The following KCNH8 variants were observed in gnomAD, a reference collection of about 807,000 sequenced individuals.
The protein encoded by KCNH8 is voltage-gated delayed rectifier potassium channel KCNH8.
In KCNH8, 70 loss-of-function variants were observed where a neutral mutation model predicts 103.6. The observed-to-expected ratio is 0.68, with a 90% CI of 0.56 to 0.82. The LOEUF is 0.82. Among genes scored for constraint, KCNH8 ranks in the 40% least tolerant of loss-of-function variants. The pLI is 0.00. For missense variants in KCNH8, 1,217 were observed against 1,329.9 expected (o/e 0.92, Z 1.32); for synonymous variants, 498 against 489.4 (o/e 1.02, Z -0.23).
chr3:19,352,082 G>C (rs1227126367), intron 5 of KCNH8, among the ~76,000 whole-genome samples: 7 of 152,034 alleles, frequency 4.6e-5, no homozygotes, highest in African/African-American at 9.6e-5. Flanking sequence ...GCAGGGGTTG[G>C]AATCCTAGTC....
chr3:19,480,170 A>G (rs1273694650), intron 11 of KCNH8, among the ~76,000 whole-genome samples: 1 of 152,168 alleles, frequency 6.6e-6, no homozygotes, highest in Admixed American at 6.5e-5. Context: ...GTTGTACTAG[A>G]TTACAGTTTA....
chr3:19,183,165 T>C (rs2063472227), intron 1 of KCNH8, among the ~76,000 whole-genome samples: 1 of 152,190 alleles, frequency 6.6e-6, no homozygotes, highest in Admixed American at 6.5e-5. Flanking sequence ...TTTAATGTTG[T>C]ACAGGAAGTT....
chr3:19,241,029 G>T (rs1453434503), intron 1 of KCNH8, among the ~76,000 whole-genome samples: 1 of 151,982 alleles, frequency 6.6e-6, no homozygotes, highest in African/African-American at 2.4e-5. Flanking sequence ...ATCCTATTTT[G>T]TTAAGTGGAA....
intron 3 of KCNH8, among the ~76,000 whole-genome samples, chr3:19,317,975 C>T (rs1304652159): frequency 6.6e-6 from 1 of 151,724 alleles, no homozygotes; most frequent in Non-Finnish European, 1.5e-5. Context: ...GTTCTGATGA[C>T]GGCAATCAGG....
At chr3:19,483,389 C>A (rs1429991564) in intron 11 of KCNH8, among the ~76,000 whole-genome samples, 1 of 152,106 alleles carries the variant, frequency 6.6e-6, no homozygotes, top group Non-Finnish European at 1.5e-5. Flanking sequence ...AGTCATCCTA[C>A]AGGGTGAGTG....
intron 1 of KCNH8, among the ~76,000 whole-genome samples, chr3:19,237,127 T>C (rs1203813196): frequency 1.3e-5 from 2 of 152,252 alleles, no homozygotes; most frequent in Non-Finnish European, 2.9e-5. Flanking sequence ...ACTTAGTATT[T>C]ATAAATCCCC....
intron 3 of KCNH8, among the ~76,000 whole-genome samples, chr3:19,304,662 AT>A (rs1047498469): frequency 2.6e-5 from 4 of 152,094 alleles, no homozygotes; most frequent in African/African-American, 9.7e-5. Flanking sequence ...TATGTGAAAA[AT>A]AAAAAGAAGT....
At chr3:19,431,861 T>G (rs1050931678) in intron 7 of KCNH8, among the ~76,000 whole-genome samples, 1 of 152,192 alleles carries the variant, frequency 6.6e-6, no homozygotes, top group Non-Finnish European at 1.5e-5. Flanking sequence ...CCTTATAATT[T>G]CTGATTATGT....
At chr3:19,427,604 G>A (rs538934624) in intron 7 of KCNH8, among the ~76,000 whole-genome samples, 42 of 152,262 alleles carry the variant, frequency 2.8e-4, no homozygotes, top group African/African-American at 9.4e-4. Flanking sequence ...TAACCAAAGA[G>A]TTCTATTCCT....
chr3:19,171,481 T>C (rs74634569), intron 1 of KCNH8, among the ~76,000 whole-genome samples: 2,463 of 152,272 alleles, frequency 0.016, 26 homozygotes, highest in Middle Eastern at 0.066. Context: ...TTTTTTCAAG[T>C]TGTCATCTTT....
At chr3:19,263,594 G>A (rs1295159424) in intron 2 of KCNH8, among the ~76,000 whole-genome samples, 1 of 152,044 alleles carries the variant, frequency 6.6e-6, no homozygotes, top group Non-Finnish European at 1.5e-5. Flanking sequence ...GGTGGGTTTG[G>A]GTAGTCGCTA....
chr3:19,376,077 G>A (rs1322040592), intron 5 of KCNH8, among the ~76,000 whole-genome samples: 1 of 152,188 alleles, frequency 6.6e-6, no homozygotes, highest in African/African-American at 2.4e-5. Context: ...GCCCCCAGAG[G>A]TGGAGCCTAC....
intron 7 of KCNH8, among the ~76,000 whole-genome samples, chr3:19,413,203 A>G (rs1337767237): frequency 6.6e-6 from 1 of 151,710 alleles, no homozygotes; most frequent in African/African-American, 2.4e-5. Context: ...AGAAAAAAAA[A>G]AAAAAGAATG....
intron 11 of KCNH8, among the ~76,000 whole-genome samples, chr3:19,480,935 A>G (rs1277491718): frequency 1.3e-5 from 2 of 152,210 alleles, no homozygotes; most frequent in Admixed American, 1.3e-4. Flanking sequence ...AGAAAGGAGA[A>G]GAAAAGCTAT....
chr3:19,507,284 G>A (rs1293521652), intron 11 of KCNH8, among the ~76,000 whole-genome samples: 1 of 152,166 alleles, frequency 6.6e-6, no homozygotes, highest in Non-Finnish European at 1.5e-5. Context: ...GGCAATGACG[G>A]AGAGGCTGTT....
chr3:19,245,826 C>T lies in KCNH8; in HGVS notation c.77-7828C>T, dbSNP rs372990831. On this transcript the variant is annotated intron_variant, in intron 1 of 15. Transcript: ENST00000328405. ...ACCATACTGAAAGTGTTTATCAGTT[C>T]TAGCAGCCTTTTGGCAGAGTCTTTA... Among the ~76,000 whole-genome samples, 5 of 152,154 alleles carry T rather than the reference C, an allele frequency of 3.3e-5. No individual in the cohort carries two copies. The East Asian group carries it at 7.7e-4, about 23-fold the overall frequency.
At chr3:19,352,169 A>C (rs1244857633) in intron 5 of KCNH8, among the ~76,000 whole-genome samples, 1 of 152,224 alleles carries the variant, frequency 6.6e-6, no homozygotes, top group African/African-American at 2.4e-5. Flanking sequence ...GATCAATTCA[A>C]CAAGAAGAGC....
intron 1 of KCNH8, among the ~76,000 whole-genome samples, chr3:19,159,885 A>G (rs1184121026): frequency 6.6e-6 from 1 of 152,120 alleles, no homozygotes; most frequent in Non-Finnish European, 1.5e-5. Flanking sequence ...TAGTGGAGTC[A>G]GTTGGAAATA....
chr3:19,402,787 A>T (rs1156620342), intron 7 of KCNH8, among the ~76,000 whole-genome samples: 4 of 151,830 alleles, frequency 2.6e-5, no homozygotes, highest in African/African-American at 7.2e-5. Flanking sequence ...TTTAGCTTAA[A>T]CGAGAAAGAC....
Sources: gnomAD v4.1 joint callset for allele counts (sites outside exome capture counted in the v4.1 genomes callset) on GRCh38, gnomAD v4.1.1 for gene constraint, MANE v1.5 for transcripts, NCBI Gene and HGNC (gene_info 2026-07-23, HGNC 2026-07-21) for gene names.